The following SYNE2 variants were observed in gnomAD, a reference collection of about 807,000 sequenced individuals.
SYNE2 encodes the protein nesprin-2.
A neutral mutation model predicts 856.3 loss-of-function variants in SYNE2; 431 were observed. That is an observed-to-expected ratio of 0.50 (90% confidence interval 0.47 to 0.55). The LOEUF (loss-of-function observed/expected upper bound fraction) is 0.55, where lower values mean the gene tolerates loss of function less well. Among genes scored for constraint, SYNE2 ranks in the 20% least tolerant of loss-of-function variants. The pLI, the probability that SYNE2 is intolerant of heterozygous loss-of-function variation, is 0.00. For missense variants in SYNE2, 8,129 were observed against 8,023.2 expected (o/e 1.01, Z -0.50); for synonymous variants, 2,923 against 2,872.3 (o/e 1.02, Z -0.56).
chr14:64,081,299 T>TA, intron 56 of SYNE2, 144 bp from the exon 57 acceptor site: 1 of 933,770 alleles, frequency 1.1e-6, no homozygotes, highest in Non-Finnish European at 1.7e-6. Flanking sequence ...CTAGAGCAGG[T>TA]GAATAAGTAG....
intron 49 of SYNE2, among the ~76,000 whole-genome samples, chr14:64,058,349 A>G (rs901488501): frequency 1.3e-5 from 2 of 152,144 alleles, no homozygotes; most frequent in African/African-American, 4.8e-5. Flanking sequence ...ATAGATAGAT[A>G]ATCCAGTTTT....
chr14:64,137,183 G>C (rs1330501316), intron 78 of SYNE2, among the ~76,000 whole-genome samples: 1 of 152,052 alleles, frequency 6.6e-6, no homozygotes, highest in Non-Finnish European at 1.5e-5. Context: ...AGTTGATTTG[G>C]GTTGGTTGGT....
chr14:63,829,783 A>AT (rs995648753), intron 1 of SYNE2, among the ~76,000 whole-genome samples: 1 of 151,666 alleles, frequency 6.6e-6, no homozygotes, highest in African/African-American at 2.4e-5. Flanking sequence ...GCCCCAGATA[A>AT]TTTTTTTTAT....
intron 2 of SYNE2, among the ~76,000 whole-genome samples, chr14:63,927,283 C>G (rs191114051): frequency 2.6e-5 from 4 of 152,298 alleles, no homozygotes; most frequent in South Asian, 4.2e-4. Flanking sequence ...TGCAGTGGCT[C>G]ATGCCTGTAA....
chr14:64,224,181 C>CAGA (rs556126119), intron 113 of SYNE2, among the ~76,000 whole-genome samples: 3 of 74,748 alleles, frequency 4.0e-5, no homozygotes, highest in Admixed American at 1.7e-4. Flanking sequence ...CCCGTCTCTG[C>CAGA]AAAAAAAAAA....
intron 51 of SYNE2, among the ~76,000 whole-genome samples, chr14:64,066,471 C>G (rs2097359445): frequency 6.6e-6 from 1 of 152,190 alleles, no homozygotes; most frequent in African/African-American, 2.4e-5. Flanking sequence ...TTCTAGCATT[C>G]CAGCCTGGGC....
chr14:63,960,743 G>T (rs2096301458), intron 8 of SYNE2: 1 of 764,006 alleles, frequency 1.3e-6, no homozygotes, highest in Non-Finnish European at 2.4e-6. Flanking sequence ...TAGATGCCTG[G>T]AGAAGTTCTG....
intron 33 of SYNE2, among the ~76,000 whole-genome samples, chr14:64,017,022 A>T (rs1020025903): frequency 6.6e-6 from 1 of 152,074 alleles, no homozygotes; most frequent in African/African-American, 2.4e-5. Context: ...ACAAAAAAAA[A>T]TGTGGTTTAG....
intron 99 of SYNE2, among the ~76,000 whole-genome samples, chr14:64,194,708 T>G (rs2098533188): frequency 6.6e-6 from 1 of 152,226 alleles, no homozygotes; most frequent in Admixed American, 6.5e-5. Flanking sequence ...TGTGTGTTCC[T>G]CTGTTTTGGA....
At chr14:64,029,286 G>A (rs974578108) in intron 43 of SYNE2, among the ~76,000 whole-genome samples, 9 of 152,206 alleles carry the variant, frequency 5.9e-5, no homozygotes, top group Admixed American at 5.9e-4. Context: ...GATAGCAGAA[G>A]TTGGGCAGGG....
At chr14:64,058,360 C>T (rs2097289647) in intron 49 of SYNE2, among the ~76,000 whole-genome samples, 1 of 152,240 alleles carries the variant, frequency 6.6e-6, no homozygotes, top group African/African-American at 2.4e-5. Context: ...ATCCAGTTTT[C>T]CCGGAACCGT....
chr14:63,913,562 A>G (rs1297257221), intron 2 of SYNE2, among the ~76,000 whole-genome samples: 1 of 150,814 alleles, frequency 6.6e-6, no homozygotes, highest in Non-Finnish European at 1.5e-5. Flanking sequence ...TCCAGAGTTC[A>G]AGTGATTCTC....
Position 63,997,001 on chromosome 14 carries a change from C to T in SYNE2, c.2995C>T (p.Leu999=), listed in dbSNP as rs535193741. ...LYQLNHHMEV[L]RELCEELPSQ... is the part of the protein sequence containing the mutation. ...CCAGCTTAATCACCACATGGAAGTC[C>T]TGAGGGAGCTGTGTGAAGAGCTGCC... is the stretch of plus-strand genomic sequence containing the variant. Residue 999 remains leucine (L), a synonymous_variant, in exon 24 of 116, where the codon CTG becomes TTG. Coordinates refer to ENST00000555002, the MANE Select transcript of SYNE2 (RefSeq NM_182914.3). 4.3e-6 allele frequency: 7 copies of T among 1,614,050 alleles called. No homozygotes were observed. In the South Asian group the frequency reaches 7.7e-5, roughly 18 times the overall value.
At chr14:63,828,846 G>C (rs1012392799) in intron 1 of SYNE2, among the ~76,000 whole-genome samples, 6 of 152,220 alleles carry the variant, frequency 3.9e-5, no homozygotes, top group African/African-American at 1.4e-4. Context: ...TTGCATTTTG[G>C]TATCATCGTG....
At chr14:64,101,157 G>A (rs1212381142) in intron 63 of SYNE2, among the ~76,000 whole-genome samples, 3 of 151,912 alleles carry the variant, frequency 2.0e-5, no homozygotes, top group Admixed American at 6.6e-5. Context: ...TTTTTCCTTT[G>A]GATATGTACT....
intron 7 of SYNE2, among the ~76,000 whole-genome samples, chr14:63,950,276 A>G (rs1020555069): frequency 5.3e-5 from 8 of 152,200 alleles, no homozygotes; most frequent in Non-Finnish European, 1.0e-4. Flanking sequence ...TTTAAATGCC[A>G]GGCAAGATGG....
chr14:63,896,496 G>C (rs1332933800), intron 1 of SYNE2, among the ~76,000 whole-genome samples: 1 of 152,182 alleles, frequency 6.6e-6, no homozygotes, highest in Non-Finnish European at 1.5e-5. Flanking sequence ...TATGAATATT[G>C]TTTCTTGTAA....
intron 61 of SYNE2, among the ~76,000 whole-genome samples, chr14:64,094,039 C>CA (rs1237494926): frequency 6.6e-6 from 1 of 152,106 alleles, no homozygotes; most frequent in African/African-American, 2.4e-5. Flanking sequence ...TCAGAATTAA[C>CA]AGTGTCCTGT....
At chr14:64,190,790 A>G in intron 99 of SYNE2, 1 of 659,112 alleles carries the variant, frequency 1.5e-6, no homozygotes, top group Non-Finnish European at 2.8e-6. Flanking sequence ...AAATCAAAGG[A>G]CCACAAATCA....
Sources: gnomAD v4.1 joint callset for allele counts (sites outside exome capture counted in the v4.1 genomes callset) on GRCh38, gnomAD v4.1.1 for gene constraint, MANE v1.5 for transcripts, NCBI Gene and HGNC (gene_info 2026-07-23, HGNC 2026-07-21) for gene names.